ACYP2: variants seen among roughly 807,000 people sequenced by gnomAD.
ACYP2 encodes the protein acylphosphatase-2.
In ACYP2, 12 loss-of-function variants were observed where a neutral mutation model predicts 11.2. The ratio of observed to expected loss-of-function variants is 1.08; its 90% CI spans 0.69 to 1.74. ACYP2 has a LOEUF of 1.74. Among genes scored for constraint, ACYP2 ranks in the 40% most tolerant of loss-of-function variants. The pLI is 0.00. For synonymous variants in ACYP2, 43 were observed against 32.2 expected (o/e 1.33, Z -1.13); for missense variants, 134 against 101.9 (o/e 1.31, Z -1.35).
intron 2 of ACYP2, among the ~76,000 whole-genome samples, chr2:54,011,651 C>G (rs561765700): frequency 2.6e-5 from 4 of 152,198 alleles, no homozygotes; most frequent in African/African-American, 9.6e-5. Flanking sequence ...ATAAGCTTTT[C>G]TATTAGAAAC....
chr2:54,075,492 T>G (rs1169035509), intron 4 of ACYP2, among the ~76,000 whole-genome samples: 2 of 135,680 alleles, frequency 1.5e-5, no homozygotes, highest in Non-Finnish European at 3.1e-5. Flanking sequence ...AGTGAGATTC[T>G]GTCTCAAAAT....
intron 6 of ACYP2, among the ~76,000 whole-genome samples, chr2:54,171,906 G>A (rs768021821): frequency 1.1e-4 from 16 of 152,100 alleles, no homozygotes; most frequent in Admixed American, 3.9e-4. Context: ...TAATTGGAAT[G>A]TTGGTTTTAA....
At chr2:54,194,113 A>T (rs1490191639) in intron 6 of ACYP2, among the ~76,000 whole-genome samples, 1 of 152,112 alleles carries the variant, frequency 6.6e-6, no homozygotes, top group East Asian at 1.9e-4. Context: ...ATCTAGGCTC[A>T]CTGCAACCTC....
chr2:54,179,176 C>T (rs1683599361), intron 6 of ACYP2, among the ~76,000 whole-genome samples: 2 of 137,156 alleles, frequency 1.5e-5, no homozygotes, highest in Admixed American at 8.8e-5. Flanking sequence ...ACTCAAAGTG[C>T]TTTCTAAATT....
intron 6 of ACYP2, among the ~76,000 whole-genome samples, chr2:54,157,244 A>G (rs1460563271): frequency 1.3e-5 from 2 of 152,100 alleles, no homozygotes; most frequent in Non-Finnish European, 2.9e-5. Context: ...ATAATCCCTT[A>G]TTATTTTAAA....
chr2:54,127,213 T>C (rs7592069), intron 4 of ACYP2, among the ~76,000 whole-genome samples: 7 of 151,276 alleles, frequency 4.6e-5, no homozygotes, highest in African/African-American at 1.7e-4. Context: ...ACTGACATAA[T>C]CATCCCCTAT....
chr2:53,978,678 G>C (rs1671609171), intron 2 of ACYP2, among the ~76,000 whole-genome samples: 1 of 152,172 alleles, frequency 6.6e-6, no homozygotes. Flanking sequence ...TTGAGCTCAG[G>C]AGTTCACAAC....
intron 2 of ACYP2, among the ~76,000 whole-genome samples, chr2:54,040,256 C>T (rs1266692061): frequency 1.3e-5 from 2 of 152,020 alleles, no homozygotes; most frequent in East Asian, 3.9e-4. Flanking sequence ...TTGAACTCTG[C>T]AACTCGGGAA....
intron 2 of ACYP2, among the ~76,000 whole-genome samples, chr2:54,040,232 A>G (rs1675152641): frequency 6.6e-6 from 1 of 152,184 alleles, no homozygotes; most frequent in Non-Finnish European, 1.5e-5. Context: ...AGCATCCAGT[A>G]TGACTTCAAG....
intron 2 of ACYP2, among the ~76,000 whole-genome samples, chr2:53,998,827 T>G (rs960888576): frequency 1.3e-5 from 2 of 151,732 alleles, no homozygotes; most frequent in African/African-American, 4.8e-5. Flanking sequence ...AAGAAAAAAA[T>G]TTCCCTTCTA....
At chr2:54,285,281 A>G (rs928567454) in intron 6 of ACYP2, among the ~76,000 whole-genome samples, 1 of 152,210 alleles carries the variant, frequency 6.6e-6, no homozygotes, top group African/African-American at 2.4e-5. Flanking sequence ...CATTCAGACC[A>G]CAGCACTGAG....
rs574302010 is a variant in ACYP2, at chr2:54,153,114, T to G, written c.404+14366T>G. 2.1e-3 allele frequency among the ~76,000 whole-genome samples: 318 copies of G among 152,344 alleles called. 3 individuals carry two copies. The highest frequency in any genetic ancestry group is 7.2e-3 in the African/African-American group (299 of 41,574). On this transcript the variant is annotated intron_variant, in intron 6 of 6. Coordinates refer to ENST00000607452, the MANE Select transcript of ACYP2 (RefSeq NM_001320586.2). The stretch of plus-strand genomic sequence containing the variant: ...TTAAAATCAGTTTCAGGTCTTGTGT[T>G]TAAGTCTTTAATCCATTTCGAGTTG...
At chr2:53,994,966 A>G (rs571732781) in intron 2 of ACYP2, among the ~76,000 whole-genome samples, 1 of 152,172 alleles carries the variant, frequency 6.6e-6, no homozygotes, top group Admixed American at 6.5e-5. Flanking sequence ...ATACCATGTG[A>G]CAGTTCTTTA....
chr2:54,239,006 T>C (rs934372743), intron 6 of ACYP2, among the ~76,000 whole-genome samples: 4 of 152,132 alleles, frequency 2.6e-5, no homozygotes, highest in Admixed American at 2.0e-4. Flanking sequence ...AAATCCCAAC[T>C]CTGGTCTTCT....
intron 6 of ACYP2, among the ~76,000 whole-genome samples, chr2:54,163,684 G>A (rs1682828370): frequency 2.0e-5 from 3 of 151,968 alleles, no homozygotes; most frequent in Non-Finnish European, 4.4e-5. Flanking sequence ...GTGAAACCCC[G>A]CCACTACTAA....
chr2:54,174,004 T>G (rs1245724864), intron 6 of ACYP2, among the ~76,000 whole-genome samples: 1 of 152,234 alleles, frequency 6.6e-6, no homozygotes, highest in African/African-American at 2.4e-5. Context: ...AGGATTGTCT[T>G]GGCAATGCGG....
chr2:54,055,738 T>G (rs1462294119), intron 3 of ACYP2, among the ~76,000 whole-genome samples: 1 of 152,216 alleles, frequency 6.6e-6, no homozygotes, highest in Non-Finnish European at 1.5e-5. Flanking sequence ...TTCAACAAAT[T>G]ACATGCACCC....
intron 6 of ACYP2, among the ~76,000 whole-genome samples, chr2:54,237,195 G>A (rs944922944): frequency 1.3e-5 from 2 of 152,144 alleles, no homozygotes; most frequent in African/African-American, 2.4e-5. Context: ...ATCCATAGGA[G>A]GTCTTGGAAT....
chr2:53,974,084 T>C (rs1435741068), intron 2 of ACYP2, among the ~76,000 whole-genome samples: 2 of 151,498 alleles, frequency 1.3e-5, no homozygotes, highest in Non-Finnish European at 2.9e-5. Context: ...TTTTTTTTTT[T>C]TCGGTATTTT....
Sources: gnomAD v4.1 joint callset for allele counts (sites outside exome capture counted in the v4.1 genomes callset) on GRCh38, gnomAD v4.1.1 for gene constraint, MANE v1.5 for transcripts, NCBI Gene and HGNC (gene_info 2026-07-23, HGNC 2026-07-21) for gene names.